Variants in TRIM68 observed in about 807,000 individuals in gnomAD.
The protein encoded by TRIM68 is E3 ubiquitin-protein ligase TRIM68.
TRIM68 carries 36 observed loss-of-function variants against 41.9 expected under a neutral mutation model. That is an observed-to-expected ratio of 0.86 (90% CI 0.66 to 1.14). The LOEUF is 1.14. Among genes scored for constraint, TRIM68 ranks in the 50% most tolerant of loss-of-function variants. TRIM68 has a pLI of 0.00. For synonymous variants in TRIM68, 225 were observed against 224.6 expected (o/e 1.00, Z -0.02); for missense variants, 632 against 605.1 (o/e 1.04, Z -0.47).
At chr11:4,601,359 A>G (rs1447211128) in intron 5 of TRIM68, 1 of 594,512 alleles carries the variant, frequency 1.7e-6, no homozygotes, top group East Asian at 2.8e-5. Flanking sequence ...TGGGAGAGGA[A>G]GAAGTGCACA....
intron 1 of TRIM68, among the ~76,000 whole-genome samples, chr11:4,607,611 A>G (rs1443923328): frequency 6.6e-6 from 1 of 152,244 alleles, no homozygotes; most frequent in African/African-American, 2.4e-5. Context: ...ATTTTGATTT[A>G]GGGTGCTAAA....
chr11:4,601,882 G>A (rs918695848), intron 4 of TRIM68, 196 bp from the exon 5 acceptor site: 34 of 778,834 alleles, frequency 4.4e-5, no homozygotes, highest in Non-Finnish European at 6.0e-5. Flanking sequence ...CCAATTTCAG[G>A]CTCCATCTCA....
chr11:4,604,820 C>A (rs999223310), intron 2 of TRIM68, among the ~76,000 whole-genome samples: 1 of 152,214 alleles, frequency 6.6e-6, no homozygotes, highest in Non-Finnish European at 1.5e-5. Context: ...TTCACATTCT[C>A]ATTACTGAAA....
At position 4,600,126 on chromosome 11, in the gene TRIM68, C is replaced by G. The variant is rs1021653984; in HGVS notation, c.*150G>C. The stretch of plus-strand genomic sequence containing the variant: ...AAGTGGTTTCATGACAGACTTCAGC[C>G]TGGTAGCAAAGACCAAAGGATCAGA... On this transcript the variant is annotated 3_prime_UTR_variant, in exon 7 of 7. Transcript: ENST00000300747. 1.3e-6 allele frequency: 1 copy of G among 769,296 alleles called. No homozygotes were observed. Among genetic ancestry groups the G allele is most frequent in the Non-Finnish European group, 2.0e-6 (1 of 498,576 alleles). 47.7% of individuals were successfully genotyped at this position (769,296 alleles called of 1,614,324 possible).
Position 4,600,129 on chromosome 11 carries a change from G to T in TRIM68, c.*147C>A. 3.8e-6 allele frequency: 3 copies of T among 793,602 alleles called. No individual in the cohort carries two copies. Among genetic ancestry groups the T allele is most frequent in the Non-Finnish European group, 5.8e-6 (3 of 519,878 alleles). 49.2% of individuals were successfully genotyped at this position (793,602 alleles called of 1,614,324 possible). A position where few individuals can be genotyped will look rare whatever the true frequency, so the allele number is the denominator to read the frequency against. ...TGGTTTCATGACAGACTTCAGCCTGGTAGCAAAGACCAAAGGATCAGACAG... is the reference window on the plus strand; with the variant it reads ...TGGTTTCATGACAGACTTCAGCCTGTTAGCAAAGACCAAAGGATCAGACAG... On this transcript the variant is annotated 3_prime_UTR_variant, in exon 7 of 7. Transcript: ENST00000300747.
At chr11:4,602,094 G>A (rs1343481326) in intron 4 of TRIM68, 58 bp downstream of exon 4, 17 of 1,607,308 alleles carry the variant, frequency 1.1e-5, no homozygotes, top group Non-Finnish European at 1.4e-5. Flanking sequence ...GCTCTCTCCT[G>A]GAGTCTCAGT....
intron 2 of TRIM68, among the ~76,000 whole-genome samples, chr11:4,603,826 T>C (rs1846529546): frequency 6.6e-6 from 1 of 152,178 alleles, no homozygotes; most frequent in Admixed American, 6.5e-5. Flanking sequence ...TTATTAAGGG[T>C]AAGAAGCACT....
intron 5 of TRIM68, 90 bp from the exon 6 acceptor site, chr11:4,601,217 G>C: frequency 1.0e-6 from 1 of 992,234 alleles, no homozygotes; most frequent in Admixed American, 1.7e-5. Context: ...CTTGGCCAGG[G>C]ACATAGTGAA....
intron 1 of TRIM68, among the ~76,000 whole-genome samples, chr11:4,606,270 A>G (rs1348533679): frequency 6.6e-6 from 1 of 152,252 alleles, no homozygotes; most frequent in East Asian, 1.9e-4. Flanking sequence ...GATGATCATC[A>G]CACCCATATT....
rs1181622925 is a variant in TRIM68, at chr11:4,605,078, C to G, written c.426+1G>C. On this transcript the variant is annotated splice_donor_variant, in intron 2 of 6. Transcript: ENST00000300747. LOFTEE classifies it high-confidence loss of function. ...TGGAGTGGCCAGCTTCCATCTCTCA[C>G]CTTGTACTCCCAGGCAACATCCTCC... The G allele has an allele frequency of 6.2e-7, 1 of 1,613,108 alleles. No individual in the cohort carries two copies. Among genetic ancestry groups the G allele is most frequent in the African/African-American group, 1.3e-5 (1 of 74,928 alleles).
At chr11:4,601,361 A>T in intron 5 of TRIM68, 1 of 594,176 alleles carries the variant, frequency 1.7e-6, no homozygotes, top group East Asian at 2.8e-5. Context: ...GGAGAGGAAG[A>T]AGTGCACACA....
rs1846431985 is a variant in TRIM68, at chr11:4,598,678, G to A, written c.*1598C>T. 1 of 152,204 alleles carries A rather than the reference G, an allele frequency of 6.6e-6. No individual in the cohort carries two copies. Among genetic ancestry groups the A allele is most frequent in the Admixed American group, 6.5e-5 (1 of 15,280 alleles). 9.4% of individuals were successfully genotyped at this position (152,204 alleles called of 1,614,324 possible). A position where few individuals can be genotyped will look rare whatever the true frequency, so the allele number is the denominator to read the frequency against. ...TCAAGAAGCAGTCTGGAAGCATGGT[G>A]GACAGAATGCGTTTATTTCTCCAGT... On this transcript the variant is annotated 3_prime_UTR_variant, in exon 7 of 7. Coordinates refer to ENST00000300747, the MANE Select transcript of TRIM68 (RefSeq NM_018073.8).
At position 4,600,224 on chromosome 11, in the gene TRIM68, C is replaced by A; in HGVS notation, c.*52G>T. ...TGTCAGTGGCTCGGTCCTCCAAGCC[C>A]CATGGGGGCCAGGCCCAATTCCAAG... is the stretch of plus-strand genomic sequence containing the variant. On this transcript the variant is annotated 3_prime_UTR_variant, in exon 7 of 7. Coordinates refer to ENST00000300747, the MANE Select transcript of TRIM68 (RefSeq NM_018073.8). 6.6e-7 allele frequency: 1 copy of A among 1,508,528 alleles called. No homozygotes were observed. Among genetic ancestry groups the A allele is most frequent in the Non-Finnish European group, 8.9e-7 (1 of 1,128,010 alleles). The allele number at this position is 1,508,528 out of a possible 1,614,324, so 93.4% of individuals were successfully genotyped here. A position where few individuals can be genotyped will look rare whatever the true frequency, so the allele number is the denominator to read the frequency against.
intron 4 of TRIM68, 78 bp downstream of exon 4, chr11:4,602,074 G>A (rs951506772): frequency 1.9e-6 from 3 of 1,590,302 alleles, no homozygotes; most frequent in Non-Finnish European, 2.6e-6. Context: ...CCTACTGAAG[G>A]GTAACTGATG....
intron 5 of TRIM68, 24 bp downstream of exon 5, chr11:4,601,640 G>C (rs1306044961): frequency 6.2e-7 from 1 of 1,613,978 alleles, no homozygotes; most frequent in Non-Finnish European, 8.5e-7. Context: ...GGGCTGCTTA[G>C]AGGCTCCAAG....
rs901292774 is a variant in TRIM68 at position 4,600,836 on chromosome 11, A to G, written c.908-10T>C. ...TCCAAGCGCACATCAGCTAGAAGAA[A>G]AGGTCCTGGTTGGTAACAGTGATAT... On this transcript the variant is annotated splice_polypyrimidine_tract_variant and intron_variant, in intron 6 of 6. Transcript: ENST00000300747. The G allele has an allele frequency of 6.2e-7, 1 of 1,608,658 alleles. No homozygotes were observed. Among genetic ancestry groups the G allele is most frequent in the Non-Finnish European group, 8.5e-7 (1 of 1,176,730 alleles).
chr11:4,601,983 C>T, intron 4 of TRIM68, 169 bp downstream of exon 4: 1 of 1,028,594 alleles, frequency 9.7e-7, no homozygotes, highest in South Asian at 1.6e-5. Flanking sequence ...CCAGGTCATC[C>T]ACCAGCCAGG....
chr11:4,600,780 C>T lies in TRIM68; in HGVS notation c.954G>A (p.Val318=), dbSNP rs561528600. ...AGTGCACACGTTTTCTGTCCTCAGA[C>T]ACGATGAGACGGGAGTAAGCAGTAT... is the stretch of plus-strand genomic sequence containing the variant. The part of the protein sequence containing the change: ...DPDTAYSRLI[V]SEDRKRVHYG... The change falls in exon 7 of 7, where the codon GTG becomes GTA. Residue 318 remains valine, a synonymous_variant. Coordinates refer to ENST00000300747, the MANE Select transcript of TRIM68 (RefSeq NM_018073.8). The T allele has an allele frequency of 3.7e-6, 6 of 1,614,116 alleles. No individual in the cohort carries two copies. In the African/African-American group the frequency reaches 4.0e-5, roughly 11 times the overall value.
Position 4,599,086 on chromosome 11 carries a change from A to G in TRIM68, c.*1190T>C, listed in dbSNP as rs1272704365. Reference sequence around the variant, plus strand: ...GTGAGAAGTTTCAGACCCAAATATAATAAGTGATGTATAGGCATGTGACCT... The same window carrying G: ...GTGAGAAGTTTCAGACCCAAATATAGTAAGTGATGTATAGGCATGTGACCT... On this transcript the variant is annotated 3_prime_UTR_variant, in exon 7 of 7. Transcript: ENST00000300747. 1.3e-5 allele frequency: 2 copies of G among 152,228 alleles called. No homozygotes were observed. Among genetic ancestry groups the G allele is most frequent in the African/African-American group, 2.4e-5 (1 of 41,468 alleles). The allele number at this position is 152,228 out of a possible 1,614,324, so 9.4% of individuals were successfully genotyped here. A position where few individuals can be genotyped will look rare whatever the true frequency, so the allele number is the denominator to read the frequency against.
Sources: gnomAD v4.1 joint callset for allele counts (sites outside exome capture counted in the v4.1 genomes callset) on GRCh38, gnomAD v4.1.1 for gene constraint, MANE v1.5 for transcripts, NCBI Gene and HGNC (gene_info 2026-07-23, HGNC 2026-07-21) for gene names.